ADAMTSL1: variants seen among roughly 807,000 people sequenced by gnomAD.
ADAMTSL1 encodes ADAMTS-like protein 1.
In ADAMTSL1, 126 loss-of-function variants were observed where a neutral mutation model predicts 201.8. The observed-to-expected ratio is 0.62, with a 90% CI of 0.54 to 0.72. ADAMTSL1 has a LOEUF of 0.72. ADAMTSL1 is among the 30% of genes least tolerant of loss of function. The probability of loss-of-function intolerance (pLI) is 0.00; values close to 1 mark genes in which losing one functional copy is unlikely to be tolerated. For missense variants in ADAMTSL1, 2,679 were observed against 2,277.8 expected (o/e 1.18, Z -3.59); for synonymous variants, 1,121 against 903.4 (o/e 1.24, Z -4.32).
intron 1 of ADAMTSL1, among the ~76,000 whole-genome samples, chr9:17,913,821 A>AT (rs1239125363): frequency 4.8e-3 from 2 of 420 alleles, no homozygotes; most frequent in Non-Finnish European, 0.042. Flanking sequence ...TAGACGCAAT[A>AT]AAAATGATAA....
chr9:18,401,127 A>G (rs1817968041), intron 2 of ADAMTSL1, among the ~76,000 whole-genome samples: 1 of 152,306 alleles, frequency 6.6e-6, no homozygotes, highest in South Asian at 2.1e-4. Flanking sequence ...TGATAAATAA[A>G]TAATATTTTA....
chr9:18,725,661 C>A (rs12342476), intron 15 of ADAMTSL1, among the ~76,000 whole-genome samples: 2,018 of 152,142 alleles, frequency 0.013, 41 homozygotes, highest in African/African-American at 0.045. Flanking sequence ...TATTCTCATT[C>A]TTTAAAACTC....
intron 4 of ADAMTSL1, among the ~76,000 whole-genome samples, chr9:18,603,403 ATGCTATGCTATGCTATACTG>A (rs1181371126): frequency 2.7e-5 from 4 of 146,770 alleles, no homozygotes; most frequent in Non-Finnish European, 4.5e-5. Context: ...ATGCTATGCT[ATGCTATGCTATGCTATACTG>A]TGCTATACTG....
intron 1 of ADAMTSL1, among the ~76,000 whole-genome samples, chr9:18,055,764 G>A (rs1447781246): frequency 1.3e-5 from 2 of 152,182 alleles, no homozygotes; most frequent in Admixed American, 6.5e-5. Context: ...GAAGAATGAG[G>A]TAAATTAGGA....
Position 18,657,659 on chromosome 9 carries a change from T to A in ADAMTSL1, c.855T>A (p.Ala285=), listed in dbSNP as rs773037108. 1 of 1,614,212 alleles carries A rather than the reference T, an allele frequency of 6.2e-7. No individual in the cohort carries two copies. The highest frequency in any genetic ancestry group is 1.3e-5 in the African/African-American group (1 of 75,060). Residue 285 remains alanine (A), a synonymous_variant, in exon 8 of 29, where the codon GCT becomes GCA. Transcript: ENST00000380548. The part of the protein sequence containing the change: ...FIVKIRNSGS[A]DSTVQFIFYQ... ...TGCAGATTCGTAACTCGGGCTCCGC[T>A]GACAGTACAGTCCAGTTCATCTTCT...
At chr9:18,720,680 G>A (rs1833288957) in intron 14 of ADAMTSL1, among the ~76,000 whole-genome samples, 1 of 152,210 alleles carries the variant, frequency 6.6e-6, no homozygotes, top group African/African-American at 2.4e-5. Context: ...CTACTCGGGA[G>A]GCTGAGGCAG....
chr9:18,496,309 T>A (rs1264806336), intron 1 of ADAMTSL1, among the ~76,000 whole-genome samples: 1 of 152,174 alleles, frequency 6.6e-6, no homozygotes, highest in Non-Finnish European at 1.5e-5. Flanking sequence ...GAAACAAGAA[T>A]GTAAAAAAGA....
chr9:18,521,417 C>T (rs933046050), intron 2 of ADAMTSL1, among the ~76,000 whole-genome samples: 2 of 150,970 alleles, frequency 1.3e-5, no homozygotes, highest in African/African-American at 2.4e-5. Context: ...CTTCTGCACC[C>T]CATAAATACA....
chr9:18,701,832 A>G (rs1831941289), intron 13 of ADAMTSL1, among the ~76,000 whole-genome samples: 1 of 152,234 alleles, frequency 6.6e-6, no homozygotes, highest in Non-Finnish European at 1.5e-5. Flanking sequence ...TTTTTAAAAC[A>G]AACATATATG....
chr9:17,986,159 C>T (rs749806777), intron 1 of ADAMTSL1, among the ~76,000 whole-genome samples: 3 of 152,028 alleles, frequency 2.0e-5, no homozygotes, highest in Non-Finnish European at 4.4e-5. Context: ...TTCATAAGTA[C>T]AGAATGGTTT....
chr9:18,685,953 CTG>C (rs1830806428), intron 13 of ADAMTSL1, among the ~76,000 whole-genome samples: 3 of 151,550 alleles, frequency 2.0e-5, no homozygotes, highest in Admixed American at 6.6e-5. Context: ...GGGTCTCACT[CTG>C]TCACCCGGGC....
At chr9:18,202,483 T>A (rs1199071813) in intron 2 of ADAMTSL1, among the ~76,000 whole-genome samples, 1 of 152,218 alleles carries the variant, frequency 6.6e-6, no homozygotes, top group African/African-American at 2.4e-5. Flanking sequence ...TCTTTCAAGT[T>A]GGTCACATTC....
chr9:18,079,618 C>A (rs899487061), intron 1 of ADAMTSL1, among the ~76,000 whole-genome samples: 1 of 151,346 alleles, frequency 6.6e-6, no homozygotes, highest in African/African-American at 2.4e-5. Flanking sequence ...CGAGCTGGAG[C>A]TTGCAGTGAG....
intron 2 of ADAMTSL1, among the ~76,000 whole-genome samples, chr9:18,310,909 G>T (rs1273438825): frequency 5.9e-5 from 9 of 152,146 alleles, no homozygotes; most frequent in African/African-American, 2.2e-4. Context: ...GCACATGTAT[G>T]TTTATTGCAG....
At chr9:18,397,407 A>G (rs955849476) in intron 2 of ADAMTSL1, among the ~76,000 whole-genome samples, 1 of 152,160 alleles carries the variant, frequency 6.6e-6, no homozygotes, top group African/African-American at 2.4e-5. Context: ...AGATGCTGTT[A>G]CATGCACTCC....
intron 1 of ADAMTSL1, among the ~76,000 whole-genome samples, chr9:18,050,138 A>C (rs1256999889): frequency 6.6e-6 from 1 of 152,186 alleles, no homozygotes; most frequent in African/African-American, 2.4e-5. Flanking sequence ...ATAAAAATTA[A>C]ATTTTATGGA....
chr9:18,582,923 C>T (rs1336570434), intron 4 of ADAMTSL1, among the ~76,000 whole-genome samples: 1 of 151,698 alleles, frequency 6.6e-6, no homozygotes, highest in East Asian at 1.9e-4. Flanking sequence ...AGGGGAGTTT[C>T]CCTGCACAAG....
At chr9:18,500,897 G>A (rs1043563783) in intron 1 of ADAMTSL1, among the ~76,000 whole-genome samples, 1 of 152,116 alleles carries the variant, frequency 6.6e-6, no homozygotes, top group Non-Finnish European at 1.5e-5. Context: ...CATCTCACAT[G>A]ACATTGCTGC....
chr9:17,919,406 C>T (rs1826221141), intron 1 of ADAMTSL1, among the ~76,000 whole-genome samples: 1 of 151,942 alleles, frequency 6.6e-6, no homozygotes, highest in Admixed American at 6.6e-5. Flanking sequence ...TTACATTAAA[C>T]CATCATCACA....
Sources: allele counts gnomAD v4.1 joint callset (sites outside exome capture counted in the v4.1 genomes callset), GRCh38; gene constraint gnomAD v4.1.1; transcripts MANE v1.5; gene names NCBI Gene and HGNC (gene_info 2026-07-23, HGNC 2026-07-21).